ROBO2: variants seen among roughly 807,000 people sequenced by gnomAD.
The protein encoded by ROBO2 is roundabout guidance receptor 2.
A neutral mutation model predicts 160.8 loss-of-function variants in ROBO2; 53 were observed. The observed-to-expected ratio is 0.33, with a 90% CI of 0.26 to 0.41. ROBO2 has a LOEUF of 0.41. ROBO2 is among the 10% of genes least tolerant of loss of function. The pLI, the probability that ROBO2 is intolerant of heterozygous loss-of-function variation, is 1.00. For synonymous variants in ROBO2, 664 were observed against 611.7 expected (o/e 1.09, Z -1.26); for missense variants, 1,577 against 1,722.4 (o/e 0.92, Z 1.49).
chr3:76,548,169 C>T (rs1455408027), intron 2 of ROBO2, among the ~76,000 whole-genome samples: 1 of 152,106 alleles, frequency 6.6e-6, no homozygotes, highest in Non-Finnish European at 1.5e-5. Flanking sequence ...ATTTTTCTAT[C>T]TCCCAAGAGG....
At chr3:76,803,967 A>G (rs763807099) in intron 2 of ROBO2, among the ~76,000 whole-genome samples, 27 of 152,312 alleles carry the variant, frequency 1.8e-4, no homozygotes, top group Middle Eastern at 6.8e-3. Flanking sequence ...TTTTCTGTTC[A>G]CACTTACATG....
chr3:76,121,747 C>A (rs1450569552), intron 2 of ROBO2, among the ~76,000 whole-genome samples: 3 of 152,138 alleles, frequency 2.0e-5, no homozygotes, highest in African/African-American at 7.2e-5. Flanking sequence ...GAAAGCCATA[C>A]TTCGCTCTGT....
At chr3:75,958,362 C>G (rs530894572) in intron 2 of ROBO2, among the ~76,000 whole-genome samples, 1 of 151,820 alleles carries the variant, frequency 6.6e-6, no homozygotes, top group Non-Finnish European at 1.5e-5. Context: ...ATAGAATATA[C>G]CCTGTTAAAT....
At chr3:77,148,802 T>G (rs1417869517) in intron 2 of ROBO2, among the ~76,000 whole-genome samples, 1 of 152,194 alleles carries the variant, frequency 6.6e-6, no homozygotes, top group Non-Finnish European at 1.5e-5. Flanking sequence ...TAATAGGGAA[T>G]TTTAAACTAC....
At chr3:77,473,307 G>T (rs1257929398) in intron 2 of ROBO2, among the ~76,000 whole-genome samples, 34 of 151,924 alleles carry the variant, frequency 2.2e-4, no homozygotes, top group African/African-American at 7.0e-4. Context: ...ATAAGAAGAA[G>T]AAGAAGATGG....
chr3:76,040,451 A>G (rs543211524), intron 2 of ROBO2, among the ~76,000 whole-genome samples: 15 of 152,056 alleles, frequency 9.9e-5, no homozygotes, highest in Non-Finnish European at 1.9e-4. Flanking sequence ...TAAGTTTGAA[A>G]TTATGAAACC....
intron 2 of ROBO2, among the ~76,000 whole-genome samples, chr3:76,019,782 A>G (rs1443857165): frequency 6.7e-6 from 1 of 149,576 alleles, no homozygotes; most frequent in South Asian, 2.1e-4. Context: ...TAATATTTGC[A>G]TTATGGCCTC....
intron 2 of ROBO2, among the ~76,000 whole-genome samples, chr3:76,905,663 C>A (rs2075553098): frequency 6.6e-6 from 1 of 152,082 alleles, no homozygotes; most frequent in Non-Finnish European, 1.5e-5. Flanking sequence ...CAGGATACTG[C>A]CATTGCTGAA....
At chr3:76,146,502 T>C (rs1350860736) in intron 2 of ROBO2, among the ~76,000 whole-genome samples, 1 of 151,846 alleles carries the variant, frequency 6.6e-6, no homozygotes, top group Non-Finnish European at 1.5e-5. Context: ...CTGACCTCTT[T>C]TAAATAACTC....
At chr3:76,328,281 A>G (rs1199928231) in intron 2 of ROBO2, among the ~76,000 whole-genome samples, 1 of 152,194 alleles carries the variant, frequency 6.6e-6, no homozygotes, top group Non-Finnish European at 1.5e-5. Flanking sequence ...ATGAGAATAG[A>G]GTGCTGCTGA....
chr3:77,497,321 C>T (rs2153603904), intron 5 of ROBO2, among the ~76,000 whole-genome samples: 1 of 152,158 alleles, frequency 6.6e-6, no homozygotes, highest in South Asian at 2.1e-4. Flanking sequence ...GTAGGAGGAA[C>T]AAGCAAGTGA....
At chr3:77,252,831 A>AATATATATATATATAT (rs1553872376) in intron 2 of ROBO2, among the ~76,000 whole-genome samples, 17 of 12,506 alleles carry the variant, frequency 1.4e-3, no homozygotes, top group East Asian at 5.6e-3. Flanking sequence ...AAAAAAAAAA[A>AATATATATATATATAT]ATATATATAT....
intron 2 of ROBO2, among the ~76,000 whole-genome samples, chr3:76,985,469 C>A (rs1468272436): frequency 1.4e-5 from 2 of 147,908 alleles, no homozygotes; most frequent in African/African-American, 4.9e-5. Context: ...GTAGTCCCAG[C>A]TACTCAGGAG....
At chr3:76,046,046 C>G (rs1306294564) in intron 2 of ROBO2, among the ~76,000 whole-genome samples, 1 of 151,900 alleles carries the variant, frequency 6.6e-6, no homozygotes, top group African/African-American at 2.4e-5. Flanking sequence ...GTATACCTTT[C>G]AAGTCAGAAA....
chr3:77,637,234 A>ATAG (rs2095279186), intron 24 of ROBO2, among the ~76,000 whole-genome samples: 1 of 152,232 alleles, frequency 6.6e-6, no homozygotes, highest in Non-Finnish European at 1.5e-5. Context: ...CTTAGTCCTT[A>ATAG]GCACACTTAC....
chr3:76,242,989 T>C (rs1705387748), intron 2 of ROBO2, among the ~76,000 whole-genome samples: 2 of 152,202 alleles, frequency 1.3e-5, no homozygotes, highest in South Asian at 4.1e-4. Context: ...AGTAAGTTGC[T>C]GCATGGACGA....
At chr3:76,620,302 AAGCT>A (rs2088961751) in intron 2 of ROBO2, among the ~76,000 whole-genome samples, 1 of 152,182 alleles carries the variant, frequency 6.6e-6, no homozygotes, top group Admixed American at 6.5e-5. Context: ...TGAAAAGGAA[AAGCT>A]ACAAATTTTA....
At chr3:77,046,157 G>A (rs572377668) in intron 1 of ROBO2, among the ~76,000 whole-genome samples, 32 of 152,190 alleles carry the variant, frequency 2.1e-4, no homozygotes, top group Non-Finnish European at 4.0e-4. Flanking sequence ...TTCACATTTT[G>A]AGGAACTGCA....
At chr3:76,431,518 C>T (rs1224701892) in intron 2 of ROBO2, among the ~76,000 whole-genome samples, 1 of 152,062 alleles carries the variant, frequency 6.6e-6, no homozygotes, top group South Asian at 2.1e-4. Context: ...TATGACTATA[C>T]TTTGTAAGCA....
Sources: allele counts gnomAD v4.1 joint callset (sites outside exome capture counted in the v4.1 genomes callset), GRCh38; gene constraint gnomAD v4.1.1; transcripts MANE v1.5; gene names NCBI Gene and HGNC (gene_info 2026-07-23, HGNC 2026-07-21).